The following FOXN3 variants were observed in gnomAD, a reference collection of about 807,000 sequenced individuals.
The protein encoded by FOXN3 is forkhead box protein N3.
In FOXN3, 7 loss-of-function variants were observed where a neutral mutation model predicts 38.4. The ratio of observed to expected loss-of-function variants is 0.18; its 90% CI spans 0.10 to 0.34. The LOEUF is 0.34. Among genes scored for constraint, FOXN3 ranks in the 10% least tolerant of loss-of-function variants. The probability of loss-of-function intolerance (pLI) is 1.00; values close to 1 mark genes in which losing one functional copy is unlikely to be tolerated. For missense variants in FOXN3, 456 were observed against 613.4 expected, an observed-to-expected ratio of 0.74 and a Z score of 2.71; for synonymous variants, 230 against 242.2, an observed-to-expected ratio of 0.95 and a Z score of 0.47.
chr14:89,553,019 C>G (rs1228377873), intron 1 of FOXN3, among the ~76,000 whole-genome samples: 4 of 151,554 alleles, frequency 2.6e-5, no homozygotes, highest in Non-Finnish European at 5.9e-5. Flanking sequence ...CAGGAGGATC[C>G]CTTGAGCTCA....
intron 4 of FOXN3, among the ~76,000 whole-genome samples, chr14:89,252,084 G>C (rs1216880424): frequency 6.6e-6 from 1 of 152,180 alleles, no homozygotes; most frequent in Non-Finnish European, 1.5e-5. Context: ...CCATTTAAAT[G>C]ATCATCTTTC....
chr14:89,311,552 T>G (rs377095222), intron 3 of FOXN3, among the ~76,000 whole-genome samples: 1 of 144,932 alleles, frequency 6.9e-6, no homozygotes, highest in African/African-American at 2.6e-5. Flanking sequence ...TGTGGCCGGG[T>G]GCAGTGGCTC....
intron 1 of FOXN3, among the ~76,000 whole-genome samples, chr14:89,510,515 C>A (rs1209958857): frequency 6.6e-6 from 1 of 152,166 alleles, no homozygotes; most frequent in African/African-American, 2.4e-5. Flanking sequence ...ATCTCCCCAG[C>A]ACACAGCTCC....
At chr14:89,435,205 A>G (rs987170311) in intron 1 of FOXN3, among the ~76,000 whole-genome samples, 3 of 152,050 alleles carry the variant, frequency 2.0e-5, no homozygotes, top group African/African-American at 7.2e-5. Flanking sequence ...CAACACTGCA[A>G]GACCTCATCT....
intron 4 of FOXN3, among the ~76,000 whole-genome samples, chr14:89,267,771 A>G (rs1216700153): frequency 1.3e-5 from 2 of 152,188 alleles, no homozygotes; most frequent in African/African-American, 4.8e-5. Context: ...TAAAAGAGAA[A>G]ATGTGTTCCA....
At chr14:89,466,115 C>T (rs1268023833) in intron 1 of FOXN3, among the ~76,000 whole-genome samples, 1 of 152,244 alleles carries the variant, frequency 6.6e-6, no homozygotes, top group Non-Finnish European at 1.5e-5. Context: ...CCTCCAGGAA[C>T]TTCCTGGTAT....
At chr14:89,555,871 GTGTGTAT>G (rs1596316388) in intron 1 of FOXN3, among the ~76,000 whole-genome samples, 6 of 135,540 alleles carry the variant, frequency 4.4e-5, no homozygotes, top group African/African-American at 5.0e-5. Flanking sequence ...GTGTGTGTGT[GTGTGTAT>G]GTGGGGGTGT....
intron 1 of FOXN3, among the ~76,000 whole-genome samples, chr14:89,460,649 C>T (rs1026975937): frequency 7.2e-6 from 1 of 138,268 alleles, no homozygotes; most frequent in African/African-American, 2.5e-5. Context: ...AGTTATCAAT[C>T]AATCAATCAA....
chr14:89,404,952 A>T (rs3783842), intron 2 of FOXN3, among the ~76,000 whole-genome samples: 44,466 of 151,962 alleles, frequency 0.29, 7,499 homozygotes, highest in East Asian at 0.61. Context: ...TTATCCAAAA[A>T]AATAATAATA....
chr14:89,419,745 T>C (rs1891852503), upstream of FOXN3: 1 of 153,376 alleles, frequency 6.5e-6, no homozygotes. Context: ...GTTTTGTGCA[T>C]TCTTTTGCTA....
intron 3 of FOXN3, among the ~76,000 whole-genome samples, chr14:89,301,533 G>A (rs536914523): frequency 2.8e-4 from 42 of 152,114 alleles, no homozygotes; most frequent in African/African-American, 9.6e-4. Context: ...ACTTTGGGAG[G>A]CCGAGGCAGA....
At chr14:89,369,857 C>T (rs1890264151) in intron 2 of FOXN3, among the ~76,000 whole-genome samples, 1 of 152,176 alleles carries the variant, frequency 6.6e-6, no homozygotes, top group African/African-American at 2.4e-5. Context: ...GACACAGAGT[C>T]AAACCGTATC....
intron 2 of FOXN3, among the ~76,000 whole-genome samples, chr14:89,379,463 G>A (rs965756628): frequency 1.3e-5 from 2 of 152,116 alleles, no homozygotes; most frequent in Admixed American, 1.3e-4. Context: ...ACTGGATGCA[G>A]TAGACCGCTC....
At chr14:89,515,065 G>T (rs533814142) in intron 1 of FOXN3, among the ~76,000 whole-genome samples, 1 of 151,902 alleles carries the variant, frequency 6.6e-6, no homozygotes, top group Non-Finnish European at 1.5e-5. Flanking sequence ...GATTACAAGC[G>T]CCCGCCACCA....
chr14:89,382,633 TTC>T (rs1890679713), intron 2 of FOXN3, among the ~76,000 whole-genome samples: 1 of 152,220 alleles, frequency 6.6e-6, no homozygotes, highest in South Asian at 2.1e-4. Context: ...TGAGTTCAGA[TTC>T]TGTTCTGCTC....
intron 4 of FOXN3, chr14:89,185,497 A>C (rs755451779): frequency 1.3e-5 from 2 of 152,242 alleles, no homozygotes; most frequent in Non-Finnish European, 2.9e-5. Context: ...GCATATTAAG[A>C]CACCGAAAGA....
At chr14:89,500,965 T>C (rs975842031) in intron 1 of FOXN3, among the ~76,000 whole-genome samples, 3 of 152,230 alleles carry the variant, frequency 2.0e-5, no homozygotes, top group Non-Finnish European at 4.4e-5. Flanking sequence ...TGTCTCCTGT[T>C]GAGGATTGAG....
intron 1 of FOXN3, among the ~76,000 whole-genome samples, chr14:89,414,367 A>G (rs1238249289): frequency 6.6e-6 from 1 of 152,122 alleles, no homozygotes; most frequent in Non-Finnish European, 1.5e-5. Context: ...GTTCATTAAC[A>G]CCACATCTAA....
At chr14:89,320,787 C>A (rs1201006653) in intron 3 of FOXN3, among the ~76,000 whole-genome samples, 4 of 152,094 alleles carry the variant, frequency 2.6e-5, no homozygotes, top group Non-Finnish European at 5.9e-5. Context: ...AAATGCCAAA[C>A]AAAATATACC....
Sources: allele counts gnomAD v4.1 joint callset (sites outside exome capture counted in the v4.1 genomes callset), GRCh38; gene constraint gnomAD v4.1.1; transcripts MANE v1.5; gene names NCBI Gene and HGNC (gene_info 2026-07-23, HGNC 2026-07-21).